PARP12: variants seen among roughly 807,000 people sequenced by gnomAD.
The protein encoded by PARP12 is protein mono-ADP-ribosyltransferase PARP12.
A neutral mutation model predicts 72.4 loss-of-function variants in PARP12; 59 were observed. The observed-to-expected ratio is 0.81, with a 90% CI of 0.66 to 1.01. The LOEUF is 1.01. PARP12 is among the 50% of genes least tolerant of loss of function. PARP12 has a pLI of 0.00. For missense variants in PARP12, 851 were observed against 914.0 expected, an observed-to-expected ratio of 0.93 and a Z score of 0.89; for synonymous variants, 403 against 371.4, an observed-to-expected ratio of 1.09 and a Z score of -0.98.
chr7:140,061,522 T>C (rs1490395624), intron 1 of PARP12, among the ~76,000 whole-genome samples: 1 of 152,206 alleles, frequency 6.6e-6, no homozygotes, highest in African/African-American at 2.4e-5. Flanking sequence ...TTCTCCTTGA[T>C]GACTAGCTTC....
At position 140,046,799 on chromosome 7, in the gene PARP12, AGTGTGTGT is replaced by A. The variant is rs3216987; in HGVS notation, c.986+77_986+84del. 249 of 868,606 alleles carry A rather than the reference AGTGTGTGT, an allele frequency of 2.9e-4. 2 individuals are homozygous for A. Among genetic ancestry groups the A allele is most frequent in the African/African-American group, 1.6e-3 (65 of 41,372 alleles). The allele number at this position is 868,606 out of a possible 1,614,324, so 53.8% of individuals were successfully genotyped here. ...GGCACCTCCAGACTAGGCTGCTCAC[AGTGTGTGT>A]GTGTGTGTGTGTGTGTGTGTGTGTG... On this transcript the variant is annotated intron_variant, in intron 5 of 11. Coordinates refer to ENST00000263549, the MANE Select transcript of PARP12 (RefSeq NM_022750.4).
intron 1 of PARP12, among the ~76,000 whole-genome samples, chr7:140,058,932 C>T (rs774346625): frequency 5.9e-5 from 9 of 151,788 alleles, no homozygotes; most frequent in Non-Finnish European, 1.0e-4. Context: ...CCTGTATCTA[C>T]TAAAAATACA....
At position 140,036,013 on chromosome 7, in the gene PARP12, GGAGGAGA is replaced by G. The variant is rs1816174172; in HGVS notation, c.1325-1689_1325-1683del. On this transcript the variant is annotated intron_variant, in intron 7 of 11. Transcript: ENST00000263549. Reference sequence around the variant, plus strand: ...AGGAGGAGGAGGAGAAGGAGGAGAAGGAGGAGAAGGAGGAGAAGGAGGAGAAGGAGGA... The same window carrying G: ...AGGAGGAGGAGGAGAAGGAGGAGAAGAGGAGGAGAAGGAGGAGAAGGAGGA... 9.0e-5 allele frequency among the ~76,000 whole-genome samples: 5 copies of G among 55,772 alleles called. 2 individuals are homozygous for G. Among genetic ancestry groups the G allele is most frequent in the Non-Finnish European group, 1.5e-4 (5 of 32,510 alleles). 36.6% of individuals were successfully genotyped at this position (55,772 alleles called of 152,430 possible).
intron 6 of PARP12, among the ~76,000 whole-genome samples, chr7:140,039,759 A>C (rs530027500): frequency 6.6e-6 from 1 of 152,324 alleles, no homozygotes; most frequent in Non-Finnish European, 1.5e-5. Flanking sequence ...GAAAGGGAGG[A>C]CAAGACAAAC....
At position 140,034,222 on chromosome 7, in the gene PARP12, C is replaced by A. The variant is rs557346566; in HGVS notation, c.1421+13G>T. On this transcript the variant is annotated intron_variant, in intron 8 of 11. Coordinates refer to ENST00000263549, the MANE Select transcript of PARP12 (RefSeq NM_022750.4). Reference sequence around the variant, plus strand: ...ATTACATCCTAAGTACCAAGCCCCCCACTGCAACCTACCAGGTTTGCATGG... The same window carrying A: ...ATTACATCCTAAGTACCAAGCCCCCAACTGCAACCTACCAGGTTTGCATGG... 1.2e-6 allele frequency: 2 copies of A among 1,610,688 alleles called. No homozygotes were observed. Among genetic ancestry groups the A allele is most frequent in the Admixed American group, 1.7e-5 (1 of 59,868 alleles).
rs1817502174 is a variant in PARP12, at chr7:140,062,510, G to A, written c.326+12C>T. The A allele has an allele frequency of 2.0e-6, 3 of 1,537,026 alleles. No individual in the cohort carries two copies. The highest frequency in any genetic ancestry group is 2.6e-6 in the Non-Finnish European group (3 of 1,146,288). On this transcript the variant is annotated intron_variant, in intron 1 of 11. Transcript: ENST00000263549. ...ACCTCCGCCCGCCGTCGCTCCCGGC[G>A]CGGCGCCTTACCCGGCTCTCAGGAA... is the stretch of plus-strand genomic sequence containing the variant.
intron 6 of PARP12, among the ~76,000 whole-genome samples, chr7:140,039,834 G>T (rs1221782731): frequency 6.6e-6 from 1 of 152,168 alleles, no homozygotes; most frequent in African/African-American, 2.4e-5. Context: ...GCCCCCACTA[G>T]CACGTGGCAT....
chr7:140,028,400 T>A (rs1815817256), intron 9 of PARP12, among the ~76,000 whole-genome samples: 1 of 151,944 alleles, frequency 6.6e-6, no homozygotes, highest in Non-Finnish European at 1.5e-5. Context: ...ACCCCTCCCC[T>A]CAGAGCCACA....
At chr7:140,051,378 C>T (rs1816950965) in intron 4 of PARP12, among the ~76,000 whole-genome samples, 1 of 151,824 alleles carries the variant, frequency 6.6e-6, no homozygotes, top group Non-Finnish European at 1.5e-5. Flanking sequence ...AAAATGGGTG[C>T]CCTTTAAAGA....
chr7:140,033,778 G>C (rs1402448605), intron 8 of PARP12: 9 of 989,674 alleles, frequency 9.1e-6, no homozygotes, highest in African/African-American at 1.7e-5. Context: ...CCCTGACGAA[G>C]CTCGCCCATT....
intron 7 of PARP12, among the ~76,000 whole-genome samples, chr7:140,036,751 G>A (rs982842714): frequency 2.0e-5 from 3 of 152,028 alleles, no homozygotes; most frequent in African/African-American, 7.3e-5. Context: ...CAGGCAAAAC[G>A]GAACTGAATA....
Position 140,029,842 on chromosome 7 carries a change from T to C in PARP12, c.1422-1154A>G, listed in dbSNP as rs1815872127. Among the ~76,000 whole-genome samples the C allele has an allele frequency of 2.6e-5, 4 of 152,064 alleles. No homozygotes were observed. The South Asian group carries it at 8.3e-4, about 32-fold the overall frequency. On this transcript the variant is annotated intron_variant, in intron 8 of 11. Transcript: ENST00000263549. ...GAGCTGAAACATATGTGAAATGAAA[T>C]TGTCCAGAATGTGGCCCACAGCAAC...
chr7:140,031,549 C>T (rs1815938311), intron 8 of PARP12, among the ~76,000 whole-genome samples: 1 of 152,164 alleles, frequency 6.6e-6, no homozygotes, highest in Admixed American at 6.5e-5. Context: ...GGCAGACTTG[C>T]TTACTGGAGT....
At position 140,029,826 on chromosome 7, in the gene PARP12, C is replaced by T. The variant is rs1317097275; in HGVS notation, c.1422-1138G>A. Among the ~76,000 whole-genome samples the T allele has an allele frequency of 2.0e-5, 3 of 152,122 alleles. No individual in the cohort carries two copies. In the South Asian group the frequency reaches 6.2e-4, roughly 31 times the overall value. On this transcript the variant is annotated intron_variant, in intron 8 of 11. Transcript: ENST00000263549. Reference sequence around the variant, plus strand: ...TGGAGGAAGAATCAGTGAGCTGAAACATATGTGAAATGAAATTGTCCAGAA... The same window carrying T: ...TGGAGGAAGAATCAGTGAGCTGAAATATATGTGAAATGAAATTGTCCAGAA...
chr7:140,046,877 T>C lies in PARP12; in HGVS notation c.986+7A>G. 3.7e-6 allele frequency: 6 copies of C among 1,611,368 alleles called. No homozygotes were observed. Among genetic ancestry groups the C allele is most frequent in the Non-Finnish European group, 5.1e-6 (6 of 1,178,638 alleles). ...CACAAAGCAGAGACAAGGGACATATTTCCTACCTTTCTATTTTGGGATTGC... is the reference window on the plus strand; with the variant it reads ...CACAAAGCAGAGACAAGGGACATATCTCCTACCTTTCTATTTTGGGATTGC... On this transcript the variant is annotated splice_region_variant and intron_variant, in intron 5 of 11. Coordinates refer to ENST00000263549, the MANE Select transcript of PARP12 (RefSeq NM_022750.4).
rs79259280 is a variant in PARP12 at position 140,047,768 on chromosome 7, C to A, written c.863-761G>T. On this transcript the variant is annotated intron_variant, in intron 4 of 11. Transcript: ENST00000263549. ...CAGTAGCTGGGATTACAGGTGTGCACCACCACACAGCTAATTTTTGTATTT... is the reference window on the plus strand; with the variant it reads ...CAGTAGCTGGGATTACAGGTGTGCAACACCACACAGCTAATTTTTGTATTT... Among the ~76,000 whole-genome samples the A allele has an allele frequency of 6.2e-3, 942 of 152,160 alleles. 10 individuals carry two copies. Among genetic ancestry groups the A allele is most frequent in the African/African-American group, 0.021 (866 of 41,502 alleles).
intron 1 of PARP12, among the ~76,000 whole-genome samples, chr7:140,059,095 C>CAA (rs112545653): frequency 7.3e-5 from 7 of 95,332 alleles, no homozygotes; most frequent in Non-Finnish European, 1.1e-4. Context: ...GACTCTGTCT[C>CAA]AAAAAAAAAA....
rs773304133 is a variant in PARP12, at chr7:140,046,900, TG to T, written c.969del (p.Cys323Ter). The T allele has an allele frequency of 4.3e-6, 7 of 1,613,620 alleles. No individual in the cohort carries two copies. The South Asian group carries it at 7.7e-5, about 18-fold the overall frequency. ...DNMELIEEAY[C>X]NPKIERILCS... ...ATTTCCTACCTTTCTATTTTGGGAT[TG>T]CAATATGCCTCTTCAATAAGTTCCA... On this transcript the variant is annotated frameshift_variant, in exon 5 of 12. Transcript: ENST00000263549. LOFTEE classifies it high-confidence loss of function.
intron 4 of PARP12, among the ~76,000 whole-genome samples, chr7:140,054,387 G>A (rs897770289): frequency 1.3e-5 from 2 of 152,194 alleles, no homozygotes; most frequent in African/African-American, 4.8e-5. Context: ...CTCATGCTAA[G>A]CTGACCAAGG....
Sources: allele counts gnomAD v4.1 joint callset (sites outside exome capture counted in the v4.1 genomes callset), GRCh38; gene constraint gnomAD v4.1.1; transcripts MANE v1.5; gene names NCBI Gene and HGNC (gene_info 2026-07-23, HGNC 2026-07-21).